Variants in ADGRA1 observed in about 807,000 individuals in gnomAD.
The protein encoded by ADGRA1 is adhesion G protein-coupled receptor A1.
Under a neutral mutation model 21.3 loss-of-function variants are expected in ADGRA1, and 12 were observed. That is an observed-to-expected ratio of 0.56 (90% CI 0.36 to 0.91). ADGRA1 has a LOEUF of 0.91. ADGRA1 is among the 40% of genes least tolerant of loss of function. The pLI is 0.01. For missense variants in ADGRA1, 790 were observed against 805.6 expected (o/e 0.98, Z 0.23); for synonymous variants, 385 against 368.8 (o/e 1.04, Z -0.50).
At position 133,130,858 on chromosome 10, in the gene ADGRA1, A is replaced by ACC. The variant is rs1486253266; in HGVS notation, c.*1348_*1349insCC. Reference sequence around the variant, plus strand: ...GTGCATATCACACACACGCACACACACAAACACGTGCATATCACACACAAA... The same window carrying ACC: ...GTGCATATCACACACACGCACACACACCCAAACACGTGCATATCACACACAAA... On this transcript the variant is annotated 3_prime_UTR_variant, in exon 7 of 7. Coordinates refer to ENST00000392607, the MANE Select transcript of ADGRA1 (RefSeq NM_001083909.3). 7.4e-6 allele frequency: 1 copy of ACC among 134,456 alleles called. No homozygotes were observed. Among genetic ancestry groups the ACC allele is most frequent in the South Asian group, 2.3e-4 (1 of 4,444 alleles). The allele number at this position is 134,456 out of a possible 1,614,324, so 8.3% of individuals were successfully genotyped here. A position where few individuals can be genotyped will look rare whatever the true frequency, so the allele number is the denominator to read the frequency against.
intron 5 of ADGRA1, among the ~76,000 whole-genome samples, chr10:133,107,785 C>T (rs184082944): frequency 5.4e-4 from 82 of 152,204 alleles, no homozygotes; most frequent in Admixed American, 1.9e-3. Context: ...GTTTAATTCT[C>T]ACAGATCTCT....
At chr10:133,093,251 G>A (rs754717691) in intron 2 of ADGRA1, 10 of 1,584,132 alleles carry the variant, frequency 6.3e-6, no homozygotes, top group Non-Finnish European at 7.7e-6. Context: ...TCTCACTGCT[G>A]CAGAAAGGTT....
chr10:133,121,768 G>T (rs1852267357), intron 5 of ADGRA1, among the ~76,000 whole-genome samples: 2 of 149,916 alleles, frequency 1.3e-5, no homozygotes, highest in Admixed American at 1.3e-4. Context: ...GTGTGTGCAA[G>T]TGTGAGTGTG....
At chr10:133,091,981 C>T (rs545250343) in intron 2 of ADGRA1, among the ~76,000 whole-genome samples, 4 of 152,300 alleles carry the variant, frequency 2.6e-5, no homozygotes, top group Admixed American at 6.5e-5. Flanking sequence ...ATGTGAAGTC[C>T]GCCCTGAAGA....
chr10:133,101,071 T>A (rs1851784543), intron 4 of ADGRA1, among the ~76,000 whole-genome samples: 1 of 152,210 alleles, frequency 6.6e-6, no homozygotes, highest in Admixed American at 6.5e-5. Flanking sequence ...CAGTTCCGCA[T>A]TCCCGCCTCC....
chr10:133,094,461 C>T (rs1050745485), intron 2 of ADGRA1, among the ~76,000 whole-genome samples: 6 of 152,220 alleles, frequency 3.9e-5, no homozygotes, highest in South Asian at 4.1e-4. Context: ...CCCTCGCCCC[C>T]GTAGCTGAGC....
chr10:133,124,891 G>A (rs921637708), intron 5 of ADGRA1, among the ~76,000 whole-genome samples: 4 of 152,220 alleles, frequency 2.6e-5, no homozygotes, highest in African/African-American at 7.2e-5. Context: ...ACTGCCCAGC[G>A]GCGGCGGCGA....
rs1852205547 is a variant in ADGRA1, at chr10:133,118,944, GCACACACACTCATGCATTTACAT to G, written c.402-8279_402-8257del. Among the ~76,000 whole-genome samples, 4 of 151,486 alleles carry G rather than the reference GCACACACACTCATGCATTTACAT, an allele frequency of 2.6e-5. No homozygotes were observed. The South Asian group carries it at 8.4e-4, about 32-fold the overall frequency. ...ACACACACATGCATTGCACACATGTGCACACACACTCATGCATTTACATCACACACACGCACCACACACACACT... is the reference window on the plus strand; with the variant it reads ...ACACACACATGCATTGCACACATGTGCACACACACGCACCACACACACACT... On this transcript the variant is annotated intron_variant, in intron 5 of 6. Coordinates refer to ENST00000392607, the MANE Select transcript of ADGRA1 (RefSeq NM_001083909.3).
At position 133,098,739 on chromosome 10, in the gene ADGRA1, C is replaced by T. The variant is rs1295275762; in HGVS notation, c.231C>T (p.Thr77=). 4 of 1,611,666 alleles carry T rather than the reference C, an allele frequency of 2.5e-6. No homozygotes were observed. Among genetic ancestry groups the T allele is most frequent in the Non-Finnish European group, 3.4e-6 (4 of 1,179,950 alleles). Residue 77 remains threonine (T), a synonymous_variant, in exon 4 of 7, where the codon ACC becomes ACT. Coordinates refer to ENST00000392607, the MANE Select transcript of ADGRA1 (RefSeq NM_001083909.3). The stretch of plus-strand genomic sequence containing the variant: ...TGTTCGCCGGCGGCATCAATCGCAC[C>T]AAGTACCCCATCCTGTGCCAGGCGG... ...FTVFAGGINR[T]KYPILCQAVG...
chr10:133,126,513 C>T (rs1490071354), intron 5 of ADGRA1, among the ~76,000 whole-genome samples: 3 of 152,160 alleles, frequency 2.0e-5, no homozygotes, highest in Non-Finnish European at 4.4e-5. Context: ...ACCCATGCTC[C>T]GTAGGGGTGG....
At chr10:133,089,577 G>A (rs1305794549) in intron 2 of ADGRA1, among the ~76,000 whole-genome samples, 4 of 152,222 alleles carry the variant, frequency 2.6e-5, no homozygotes, top group Non-Finnish European at 4.4e-5. Context: ...AATGCATTGT[G>A]TGTGCTGGTA....
Position 133,128,461 on chromosome 10 carries a change from G to A in ADGRA1, c.633G>A (p.Leu211=), listed in dbSNP as rs1311594203. The A allele has an allele frequency of 6.3e-7, 1 of 1,592,170 alleles. No individual in the cohort carries two copies. The highest frequency in any genetic ancestry group is 8.5e-7 in the Non-Finnish European group (1 of 1,170,840). ...GCCACCCAGGGCGCAGGTACGAGCT[G>A]CGCACACAGCCCGAGGAGCAGCGGC... ...LRRHPGRRYE[L]RTQPEEQRRL... The change falls in exon 7 of 7, where the codon CTG becomes CTA. Residue 211 remains leucine (L), a synonymous_variant. Transcript: ENST00000392607.
intron 5 of ADGRA1, among the ~76,000 whole-genome samples, chr10:133,124,868 G>A (rs1019947052): frequency 5.3e-5 from 8 of 151,974 alleles, no homozygotes; most frequent in East Asian, 1.9e-4. Flanking sequence ...GCGCCTGCAC[G>A]TCCACGGCGG....
At chr10:133,124,323 G>A (rs1056470567) in intron 5 of ADGRA1, among the ~76,000 whole-genome samples, 2 of 152,220 alleles carry the variant, frequency 1.3e-5, no homozygotes, top group Non-Finnish European at 2.9e-5. Context: ...TCTGCCGTGA[G>A]TCAGCTCCCG....
intron 5 of ADGRA1, among the ~76,000 whole-genome samples, chr10:133,118,222 A>G (rs1233435660): frequency 6.6e-6 from 1 of 152,184 alleles, no homozygotes; most frequent in Non-Finnish European, 1.5e-5. Context: ...GGACCAGCGG[A>G]TGTACGGTCC....
At chr10:133,127,088 G>A in intron 5 of ADGRA1, 145 bp from the exon 6 acceptor site, 2 of 502,812 alleles carry the variant, frequency 4.0e-6, no homozygotes, top group Non-Finnish European at 3.4e-6. Flanking sequence ...GGGGGTCGGG[G>A]GTCGGGGGTC....
chr10:133,109,441 C>T (rs1212411914), intron 5 of ADGRA1, among the ~76,000 whole-genome samples: 2 of 152,148 alleles, frequency 1.3e-5, no homozygotes, highest in East Asian at 1.9e-4. Flanking sequence ...CGACCACTCC[C>T]CAGACCCCCC....
chr10:133,129,514 G>C lies in ADGRA1; in HGVS notation c.*3G>C, dbSNP rs969723016. The C allele has an allele frequency of 2.0e-5, 31 of 1,578,810 alleles. No individual in the cohort carries two copies. Among genetic ancestry groups the C allele is most frequent in the Non-Finnish European group, 2.6e-5 (30 of 1,168,454 alleles). On this transcript the variant is annotated 3_prime_UTR_variant, in exon 7 of 7. Transcript: ENST00000392607. ...GGAAAAACGAAACTACTGTGTAGAT[G>C]GGGGCAGAGGACACGGTGTTCCTGG...
At chr10:133,092,748 AG>A (rs1851616399) in intron 2 of ADGRA1, among the ~76,000 whole-genome samples, 8 of 29,568 alleles carry the variant, frequency 2.7e-4, no homozygotes, top group African/African-American at 1.2e-3. Context: ...AGAAATAGGG[AG>A]GGAGGAAGGA....
Sources: gnomAD v4.1 joint callset for allele counts (sites outside exome capture counted in the v4.1 genomes callset) on GRCh38, gnomAD v4.1.1 for gene constraint, MANE v1.5 for transcripts, NCBI Gene and HGNC (gene_info 2026-07-23, HGNC 2026-07-21) for gene names.